MICALL2: variants seen among roughly 807,000 people sequenced by gnomAD.
The protein encoded by MICALL2 is MICAL like 2.
A neutral mutation model predicts 91.1 loss-of-function variants in MICALL2; 111 were observed. The observed-to-expected ratio is 1.22, with a 90% CI of 1.04 to 1.43. The LOEUF is 1.43. MICALL2 is among the 40% of genes most tolerant of loss of function. MICALL2 has a pLI of 0.00. For missense variants in MICALL2, 1,556 were observed against 1,236.0 expected, an observed-to-expected ratio of 1.26 and a Z score of -3.88; for synonymous variants, 694 against 525.3, an observed-to-expected ratio of 1.32 and a Z score of -4.39.
Position 1,434,410 on chromosome 7 carries a change from G to A in MICALL2, c.*186C>T, listed in dbSNP as rs765641335. On this transcript the variant is annotated 3_prime_UTR_variant, in exon 17 of 17. Coordinates refer to ENST00000297508, the MANE Select transcript of MICALL2 (RefSeq NM_182924.4). Reference sequence around the variant, plus strand: ...ATTGAGACCACAGACGGTAGCGCAGGTCCCTGCTGTCCACATGCCCCTTGT... The same window carrying A: ...ATTGAGACCACAGACGGTAGCGCAGATCCCTGCTGTCCACATGCCCCTTGT... The A allele has an allele frequency of 4.6e-5, 32 of 697,074 alleles. No individual in the cohort carries two copies. The East Asian group carries it at 4.9e-4, about 11-fold the overall frequency. The allele number at this position is 697,074 out of a possible 1,614,324, so 43.2% of individuals were successfully genotyped here. A position where few individuals can be genotyped will look rare whatever the true frequency, so the allele number is the denominator to read the frequency against.
In MICALL2 at chr7:1,459,095, T is replaced by A. The variant is rs565875557; in HGVS notation, c.143+89A>T. Reference sequence around the variant, plus strand: ...CCCAGTCCCACGCCTCGGCTCCCCATCCCCCAGCCGCCCGGGCCTCAGTTT... The same window carrying A: ...CCCAGTCCCACGCCTCGGCTCCCCAACCCCCAGCCGCCCGGGCCTCAGTTT... On this transcript the variant is annotated intron_variant, in intron 1 of 16. Transcript: ENST00000297508. 8.6e-5 allele frequency: 119 copies of A among 1,378,100 alleles called. No individual in the cohort carries two copies. In the African/African-American group the frequency reaches 1.5e-3, roughly 17 times the overall value. The allele number at this position is 1,378,100 out of a possible 1,614,324, so 85.4% of individuals were successfully genotyped here. A position where few individuals can be genotyped will look rare whatever the true frequency, so the allele number is the denominator to read the frequency against.
chr7:1,439,842 T>TA (rs1780195194), intron 9 of MICALL2, 83 bp downstream of exon 9: 1 of 1,229,648 alleles, frequency 8.1e-7, no homozygotes, highest in Non-Finnish European at 1.1e-6. Flanking sequence ...GAGGTGGCAC[T>TA]ACAGGTCCAG....
In MICALL2 at chr7:1,440,583, T is replaced by A. The variant is rs779969646; in HGVS notation, c.1805+8A>T. On this transcript the variant is annotated splice_region_variant and intron_variant, in intron 8 of 16. Transcript: ENST00000297508. Reference sequence around the variant, plus strand: ...CCAGGCCCTGGGCCAGCCCCACCCATCCCTAACCTCTCAGCTGGGCTTCTC... The same window carrying A: ...CCAGGCCCTGGGCCAGCCCCACCCAACCCTAACCTCTCAGCTGGGCTTCTC... 5 of 1,611,682 alleles carry A rather than the reference T, an allele frequency of 3.1e-6. No individual in the cohort carries two copies. The highest frequency in any genetic ancestry group is 3.4e-6 in the Non-Finnish European group (4 of 1,179,164).
chr7:1,438,611 A>C, intron 10 of MICALL2: 1 of 1,419,968 alleles, frequency 7.0e-7, no homozygotes, highest in East Asian at 2.5e-5. Flanking sequence ...AAGCTGCCAG[A>C]AGCAGACATT....
rs765349530 is a variant in MICALL2, at chr7:1,442,409, C to T, written c.1494G>A (p.Lys498=). The stretch of plus-strand genomic sequence containing the variant: ...CCCGGGGAGACGAGGACTGTAACGG[C>T]TTGGCTAAGGGACTTGCTTGTGGTG... ...TEAPQASPLA[K]PLQSSSPRVL... The change falls in exon 7 of 17, where the codon AAG becomes AAA. Residue 498 remains lysine, a synonymous_variant. Coordinates refer to ENST00000297508, the MANE Select transcript of MICALL2 (RefSeq NM_182924.4). The T allele has an allele frequency of 2.5e-6, 4 of 1,595,490 alleles. No individual in the cohort carries two copies. The highest frequency in any genetic ancestry group is 3.4e-6 in the Non-Finnish European group (4 of 1,169,840).
chr7:1,439,043 G>A (rs147686756), intron 9 of MICALL2, 48 bp from the exon 10 acceptor site: 25 of 1,440,850 alleles, frequency 1.7e-5, no homozygotes, highest in South Asian at 7.2e-5. Context: ...CAGGGCCACT[G>A]GGAGCCTGGG....
intron 16 of MICALL2, 76 bp from the exon 17 acceptor site, chr7:1,434,748 C>A: frequency 1.4e-6 from 2 of 1,396,438 alleles, no homozygotes; most frequent in Admixed American, 4.6e-5. Flanking sequence ...GTCCCCCTGC[C>A]AGAAACATCC....
intron 13 of MICALL2, 117 bp from the exon 14 acceptor site, chr7:1,437,725 C>T (rs558204648): frequency 1.0e-5 from 13 of 1,275,966 alleles, no homozygotes; most frequent in Middle Eastern, 2.6e-4. Flanking sequence ...AGGCCTGACT[C>T]GCCGCCCGTC....
chr7:1,435,957 C>T (rs966262403), intron 15 of MICALL2, among the ~76,000 whole-genome samples: 5 of 151,480 alleles, frequency 3.3e-5, no homozygotes, highest in Non-Finnish European at 4.4e-5. Context: ...GAAGCTGAGG[C>T]AGGAGAATGG....
intron 6 of MICALL2, among the ~76,000 whole-genome samples, chr7:1,442,834 C>A (rs1007434844): frequency 6.6e-6 from 1 of 152,196 alleles, no homozygotes; most frequent in Non-Finnish European, 1.5e-5. Flanking sequence ...ATATCCACCC[C>A]CTAAACACAC....
chr7:1,445,511 T>A (rs1260359457), intron 5 of MICALL2, 83 bp from the exon 6 acceptor site: 11 of 1,319,954 alleles, frequency 8.3e-6, no homozygotes, highest in Non-Finnish European at 1.1e-5. Flanking sequence ...ATAGCAGGCA[T>A]TGCGGACTCC....
intron 4 of MICALL2, 64 bp downstream of exon 4, chr7:1,447,511 G>A: frequency 1.1e-6 from 1 of 927,032 alleles, no homozygotes; most frequent in Non-Finnish European, 1.5e-6. Flanking sequence ...AGTCCCACAA[G>A]CCCCTTCTGC....
chr7:1,439,067 C>A, intron 9 of MICALL2, 72 bp from the exon 10 acceptor site: 1 of 1,215,798 alleles, frequency 8.2e-7, no homozygotes, highest in Non-Finnish European at 1.1e-6. Flanking sequence ...TGTCCCAGCA[C>A]AGCCAACAGC....
chr7:1,437,200 C>G (rs562006096), intron 14 of MICALL2: 9 of 489,636 alleles, frequency 1.8e-5, no homozygotes, highest in African/African-American at 8.2e-5. Context: ...CCCTGCATCA[C>G]GAGACAAATG....
At chr7:1,439,736 C>CACATGT (rs1780189113) in intron 9 of MICALL2, 189 bp downstream of exon 9, 4 of 456,478 alleles carry the variant, frequency 8.8e-6, no homozygotes, top group Non-Finnish European at 1.5e-5. Flanking sequence ...TGAACACATG[C>CACATGT]ACACATGCAT....
At chr7:1,437,265 T>C (rs1780019419) in intron 14 of MICALL2, 2 of 516,110 alleles carry the variant, frequency 3.9e-6, no homozygotes, top group Admixed American at 3.9e-5. Flanking sequence ...AATTGATTCG[T>C]TTAATCCTCA....
intron 16 of MICALL2, 32 bp from the exon 17 acceptor site, chr7:1,434,704 C>G: frequency 1.3e-6 from 2 of 1,525,690 alleles, no homozygotes; most frequent in Non-Finnish European, 1.8e-6. Context: ...AGGCCGTGCT[C>G]AACGCCGCAG....
rs761667328 is a variant in MICALL2, at chr7:1,436,835, T to A, written c.2498A>T (p.Glu833Val). The A allele has an allele frequency of 6.2e-7, 1 of 1,602,028 alleles. No homozygotes were observed. The highest frequency in any genetic ancestry group is 8.5e-7 in the Non-Finnish European group (1 of 1,175,848). ...AKPEALKSLQERRREQELLEQ... is the reference protein window; with the variant it reads ...AKPEALKSLQVRRREQELLEQ... ...CAGCAGCTCCTGCTCCCGCCGCCGC[T>A]CCTGCAGTGACTTCAGAGCCTCTGT... The change falls in exon 15 of 17, where the codon GAG (glutamate) becomes GTG (valine). Residue 833 changes from glutamate (E) to valine (V), a missense_variant. Glu to Val is a moderately radical substitution (Grantham distance 121). Transcript: ENST00000297508.
rs767344147 is a variant in MICALL2 at position 1,445,011 on chromosome 7, C to T, written c.1059G>A (p.Pro353=). Residue 353 remains proline, a synonymous_variant, in exon 6 of 17, where the codon CCG becomes CCA. Transcript: ENST00000297508. ...SSPMGWSSAA[P]CTAAAASHPA... ...GATGGGAGGCAGCCGCTGCTGTGCA[C>T]GGGGCAGCTGACGACCAGCCCATCG... 44 of 1,519,552 alleles carry T rather than the reference C, an allele frequency of 2.9e-5. No individual in the cohort carries two copies. The South Asian group carries it at 4.2e-4, about 14-fold the overall frequency. The allele number at this position is 1,519,552 out of a possible 1,614,324, so 94.1% of individuals were successfully genotyped here. A position where few individuals can be genotyped will look rare whatever the true frequency, so the allele number is the denominator to read the frequency against.
Sources: allele counts gnomAD v4.1 joint callset (sites outside exome capture counted in the v4.1 genomes callset), GRCh38; gene constraint gnomAD v4.1.1; transcripts MANE v1.5; gene names NCBI Gene and HGNC (gene_info 2026-07-23, HGNC 2026-07-21).